Variants in PAM observed in about 807,000 individuals in gnomAD.
PAM encodes peptidyl-glycine alpha-amidating monooxygenase.
A neutral mutation model predicts 122.1 loss-of-function variants in PAM; 72 were observed. That is an observed-to-expected ratio of 0.59 (90% CI 0.49 to 0.72). The LOEUF is 0.72. Ranked by LOEUF, PAM falls within the 30% of genes least tolerant of loss-of-function variation. PAM has a pLI of 0.00. For missense variants in PAM, 1,106 were observed against 1,183.7 expected, an observed-to-expected ratio of 0.93 and a Z score of 0.96; for synonymous variants, 389 against 404.4, an observed-to-expected ratio of 0.96 and a Z score of 0.46.
At chr5:103,016,281 G>A (rs767083282) in intron 21 of PAM, among the ~76,000 whole-genome samples, 1 of 152,120 alleles carries the variant, frequency 6.6e-6, no homozygotes, top group African/African-American at 2.4e-5. Context: ...CTTCTGCCCC[G>A]CCTAAACTGA....
intron 1 of PAM, among the ~76,000 whole-genome samples, chr5:102,787,494 A>G (rs1338219757): frequency 2.0e-5 from 3 of 151,554 alleles, no homozygotes; most frequent in East Asian, 2.0e-4. Flanking sequence ...AAATTTTTCT[A>G]TACCTTTCAC....
chr5:102,847,749 G>A (rs1430827027), intron 1 of PAM, among the ~76,000 whole-genome samples: 1 of 152,036 alleles, frequency 6.6e-6, no homozygotes, highest in African/African-American at 2.4e-5. Flanking sequence ...AATTTCCTAG[G>A]AAAACTTATT....
At chr5:103,010,831 G>A (rs1484095741) in intron 21 of PAM, among the ~76,000 whole-genome samples, 7 of 151,968 alleles carry the variant, frequency 4.6e-5, no homozygotes, top group Non-Finnish European at 8.8e-5. Context: ...GGGTACATGA[G>A]ATATTTTAGC....
At chr5:102,835,869 T>C (rs1013585803) in intron 1 of PAM, among the ~76,000 whole-genome samples, 2 of 152,154 alleles carry the variant, frequency 1.3e-5, no homozygotes, top group Non-Finnish European at 2.9e-5. Flanking sequence ...GAAATTGCTA[T>C]ATATTATAGT....
At chr5:102,993,582 G>A (rs1774811603) in intron 16 of PAM, among the ~76,000 whole-genome samples, 1 of 152,078 alleles carries the variant, frequency 6.6e-6, no homozygotes, top group East Asian at 1.9e-4. Flanking sequence ...GATTCTTTCT[G>A]TTACAAATAA....
chr5:102,867,191 T>C, intron 2 of PAM, 82 bp from the exon 3 acceptor site: 2 of 926,264 alleles, frequency 2.2e-6, no homozygotes, highest in Non-Finnish European at 3.4e-6. Context: ...TTTAAGGTCA[T>C]AGAATTCCTT....
intron 12 of PAM, 62 bp from the exon 13 acceptor site, chr5:102,959,813 C>A: frequency 9.1e-7 from 1 of 1,099,840 alleles, no homozygotes; most frequent in Non-Finnish European, 1.4e-6. Flanking sequence ...CTTCATTTTT[C>A]TTGCATTAAG....
chr5:102,897,254 G>T (rs1029137079), intron 3 of PAM, among the ~76,000 whole-genome samples: 4 of 151,496 alleles, frequency 2.6e-5, no homozygotes, highest in Admixed American at 2.0e-4. Context: ...TTACCAGTTT[G>T]TCTGGGTTGG....
intron 1 of PAM, among the ~76,000 whole-genome samples, chr5:102,772,029 C>G (rs1284662934): frequency 6.6e-5 from 10 of 152,136 alleles, no homozygotes; most frequent in South Asian, 2.1e-4. Flanking sequence ...AGTCTTAACT[C>G]TGCCTCTTAC....
At chr5:102,782,214 G>T (rs890445275) in intron 1 of PAM, among the ~76,000 whole-genome samples, 9 of 152,204 alleles carry the variant, frequency 5.9e-5, no homozygotes, top group Non-Finnish European at 1.0e-4. Flanking sequence ...CACCAAAGGT[G>T]AATTTGCTCT....
chr5:102,907,476 G>A (rs1186708402), intron 4 of PAM, among the ~76,000 whole-genome samples: 1 of 151,088 alleles, frequency 6.6e-6, no homozygotes, highest in East Asian at 2.0e-4. Flanking sequence ...TAGTCCTTTG[G>A]GTATATACCC....
At chr5:102,799,980 T>A (rs989197184) in intron 1 of PAM, among the ~76,000 whole-genome samples, 3 of 152,226 alleles carry the variant, frequency 2.0e-5, no homozygotes, top group Admixed American at 2.0e-4. Context: ...AGTAGGTGAA[T>A]CCCAAATTTA....
intron 15 of PAM, among the ~76,000 whole-genome samples, chr5:102,980,931 T>G (rs1473685035): frequency 2.0e-5 from 3 of 152,208 alleles, no homozygotes; most frequent in African/African-American, 7.2e-5. Flanking sequence ...GTGTTAGACT[T>G]CATACATTTT....
chr5:102,941,536 T>C (rs778533642), intron 7 of PAM, among the ~76,000 whole-genome samples: 2 of 152,176 alleles, frequency 1.3e-5, no homozygotes, highest in South Asian at 2.1e-4. Context: ...ATTTCACTTA[T>C]ATTTTGCTAA....
chr5:102,966,244 G>A (rs1764054526), intron 14 of PAM, among the ~76,000 whole-genome samples: 1 of 151,980 alleles, frequency 6.6e-6, no homozygotes, highest in Non-Finnish European at 1.5e-5. Flanking sequence ...TACCCCCCAA[G>A]GCTCTGGGAA....
At chr5:102,813,364 C>T (rs186194568) in intron 1 of PAM, among the ~76,000 whole-genome samples, 18 of 152,250 alleles carry the variant, frequency 1.2e-4, no homozygotes, top group Non-Finnish European at 2.1e-4. Flanking sequence ...AAAACCAGTA[C>T]AGAGTTTTAT....
At chr5:102,908,697 C>A (rs1225372931) in intron 4 of PAM, among the ~76,000 whole-genome samples, 2 of 150,736 alleles carry the variant, frequency 1.3e-5, no homozygotes, top group Non-Finnish European at 3.0e-5. Flanking sequence ...TGCATATGTA[C>A]CCTAAAACTT....
chr5:102,773,754 G>T (rs1026106550), intron 1 of PAM, among the ~76,000 whole-genome samples: 9 of 151,770 alleles, frequency 5.9e-5, no homozygotes, highest in African/African-American at 2.2e-4. Context: ...AGGTTCTGGG[G>T]GTACATGTGA....
At chr5:102,886,897 A>G (rs777126516) in intron 3 of PAM, among the ~76,000 whole-genome samples, 2 of 151,884 alleles carry the variant, frequency 1.3e-5, no homozygotes, top group Non-Finnish European at 2.9e-5. Flanking sequence ...CTGTTGATTA[A>G]CTGATCTCCC....
Sources: allele counts gnomAD v4.1 joint callset (sites outside exome capture counted in the v4.1 genomes callset), GRCh38; gene constraint gnomAD v4.1.1; transcripts MANE v1.5; gene names NCBI Gene and HGNC (gene_info 2026-07-23, HGNC 2026-07-21).